The following UNC45B variants were observed in gnomAD, a reference collection of about 807,000 sequenced individuals.
UNC45B encodes protein unc-45 homolog B.
Under a neutral mutation model 98.7 loss-of-function variants are expected in UNC45B, and 78 were observed. The observed-to-expected ratio is 0.79, with a 90% confidence interval of 0.66 to 0.95. The LOEUF (loss-of-function observed/expected upper bound fraction) is 0.95. Ranked by LOEUF, UNC45B falls within the 40% of genes least tolerant of loss-of-function variation. UNC45B has a pLI of 0.00. For synonymous variants in UNC45B, 462 were observed against 480.4 expected, an observed-to-expected ratio of 0.96 and a Z score of 0.50; for missense variants, 1,225 against 1,184.9, an observed-to-expected ratio of 1.03 and a Z score of -0.50.
chr17:35,149,126 G>C, intron 3 of UNC45B, 117 bp downstream of exon 3: 1 of 1,206,954 alleles, frequency 8.3e-7, no homozygotes, highest in Non-Finnish European at 1.2e-6. Context: ...CTTCAGAAGG[G>C]AGAGAACAAG....
chr17:35,176,945 C>A, intron 15 of UNC45B, 72 bp from the exon 16 acceptor site: 1 of 1,225,818 alleles, frequency 8.2e-7, no homozygotes, highest in Non-Finnish European at 1.2e-6. Flanking sequence ...ACAGACAGCA[C>A]CTGGAGCAGG....
chr17:35,175,083 GAAAGAGAA>G (rs1260847649), intron 14 of UNC45B, among the ~76,000 whole-genome samples: 2 of 81,122 alleles, frequency 2.5e-5, no homozygotes, highest in Non-Finnish European at 5.2e-5. Context: ...AAGAAAGAAA[GAAAGAGAA>G]AGAAAGAAAA....
At position 35,176,999 on chromosome 17, in the gene UNC45B, C is replaced by T; in HGVS notation, c.2026-18C>T. ...CTGGATGTCTGTGACTAAGTAGTGA[C>T]CTTGCCCTTTCTTGCAGGCCCTGAT... On this transcript the variant is annotated intron_variant, in intron 15 of 19. Transcript: ENST00000394570. 3 of 1,604,372 alleles carry T rather than the reference C, an allele frequency of 1.9e-6. No individual in the cohort carries two copies. The Admixed American group carries it at 5.0e-5, about 27-fold the overall frequency.
intron 2 of UNC45B, 103 bp downstream of exon 2, chr17:35,148,534 ACT>A: frequency 7.4e-7 from 1 of 1,348,134 alleles, no homozygotes; most frequent in Admixed American, 2.5e-5. Context: ...ATCCCAGCCG[ACT>A]CTCCTGGATG....
At chr17:35,178,440 C>T (rs12451789) in intron 17 of UNC45B, among the ~76,000 whole-genome samples, 13,736 of 152,062 alleles carry the variant, frequency 0.09, 858 homozygotes, top group East Asian at 0.26. Context: ...GGATATTAGC[C>T]CTTTTTCAGA....
chr17:35,169,889 T>C lies in UNC45B; in HGVS notation c.1505T>C (p.Phe502Ser). Residue 502 changes from phenylalanine (F) to serine (S), a missense_variant, in exon 11 of 20, where the codon TTT (phenylalanine) becomes TCT (serine). Physicochemically the swap from Phe to Ser is radical, Grantham distance 155 (BLOSUM62 -2). Transcript: ENST00000394570. ...AGGTDYGLRQFAEGSTEKLAK... is the reference protein window; with the variant it reads ...AGGTDYGLRQSAEGSTEKLAK... ...GGCACAGACTACGGTCTCAGGCAGTTTGCGGAAGGGTCGACAGAAAAACTG... is the reference window on the plus strand; with the variant it reads ...GGCACAGACTACGGTCTCAGGCAGTCTGCGGAAGGGTCGACAGAAAAACTG... 6.2e-7 allele frequency: 1 copy of C among 1,614,126 alleles called. No homozygotes were observed. Among genetic ancestry groups the C allele is most frequent in the Non-Finnish European group, 8.5e-7 (1 of 1,180,012 alleles).
intron 8 of UNC45B, 43 bp downstream of exon 8, chr17:35,159,588 G>A: frequency 6.3e-7 from 1 of 1,594,526 alleles, no homozygotes; most frequent in East Asian, 2.2e-5. Flanking sequence ...AGCCTTTTAA[G>A]TGGGCACCAG....
intron 11 of UNC45B, 45 bp downstream of exon 11, chr17:35,169,976 T>G: frequency 6.2e-7 from 1 of 1,612,478 alleles, no homozygotes; most frequent in Non-Finnish European, 8.5e-7. Context: ...CTCATGCGCC[T>G]TCCGGGCAAG....
In UNC45B at chr17:35,174,362, C is replaced by T. The variant is rs2092211754; in HGVS notation, c.1951C>T (p.Leu651=). 1 of 1,614,150 alleles carries T rather than the reference C, an allele frequency of 6.2e-7. No homozygotes were observed. ...AILTDQTKEL[L]ARVFLALCDN... Reference sequence around the variant, plus strand: ...CCTCACTGACCAGACCAAGGAGCTGCTGGCCAGGTGGGGCTGCAGTGGGCC... The same window carrying T: ...CCTCACTGACCAGACCAAGGAGCTGTTGGCCAGGTGGGGCTGCAGTGGGCC... The change falls in exon 14 of 20, where the codon CTG becomes TTG. Residue 651 remains leucine (L), a synonymous_variant. Coordinates refer to ENST00000394570, the MANE Select transcript of UNC45B (RefSeq NM_001267052.2).
At chr17:35,155,272 C>G in intron 6 of UNC45B, 24 bp from the exon 7 acceptor site, 2 of 1,610,988 alleles carry the variant, frequency 1.2e-6, no homozygotes, top group Non-Finnish European at 1.7e-6. Flanking sequence ...AGGCAGCTGA[C>G]CATGGTTCTT....
intron 9 of UNC45B, 36 bp downstream of exon 9, chr17:35,164,202 G>A: frequency 1.3e-6 from 2 of 1,573,994 alleles, no homozygotes; most frequent in Non-Finnish European, 1.7e-6. Context: ...GTCAGGCTCT[G>A]TCTTGGTTAT....
At position 35,186,777 on chromosome 17, in the gene UNC45B, T is replaced by C. The variant is rs774196310; in HGVS notation, c.*218T>C. ...CTCTCTCTTGCTTCCTGTCTCCTTATATTTGTCATGTTTCAGAAATTCCCA... is the reference window on the plus strand; with the variant it reads ...CTCTCTCTTGCTTCCTGTCTCCTTACATTTGTCATGTTTCAGAAATTCCCA... On this transcript the variant is annotated 3_prime_UTR_variant, in exon 20 of 20. Coordinates refer to ENST00000394570, the MANE Select transcript of UNC45B (RefSeq NM_001267052.2). The C allele has an allele frequency of 6.5e-6, 3 of 461,268 alleles. No individual in the cohort carries two copies. Among genetic ancestry groups the C allele is most frequent in the Non-Finnish European group, 1.1e-5 (3 of 265,582 alleles). 28.6% of individuals were successfully genotyped at this position (461,268 alleles called of 1,614,324 possible).
intron 4 of UNC45B, among the ~76,000 whole-genome samples, chr17:35,151,424 A>G (rs1478487538): frequency 6.6e-6 from 1 of 152,110 alleles, no homozygotes; most frequent in Non-Finnish European, 1.5e-5. Context: ...TCCTGGCCTC[A>G]TGTGATCCAC....
Position 35,160,882 on chromosome 17 carries a change from G to A in UNC45B, c.979+1337G>A, listed in dbSNP as rs192352170. Reference sequence around the variant, plus strand: ...ATGATCTGCTATGGTAAATTCTTCCGTAGGTTTTATGACACACAGACTATA... The same window carrying A: ...ATGATCTGCTATGGTAAATTCTTCCATAGGTTTTATGACACACAGACTATA... On this transcript the variant is annotated intron_variant, in intron 8 of 19. Transcript: ENST00000394570. Among the ~76,000 whole-genome samples the A allele has an allele frequency of 3.6e-4, 55 of 152,324 alleles. 2 individuals carry two copies. The highest frequency in any genetic ancestry group is 2.9e-3 in the Admixed American group (45 of 15,300).
chr17:35,178,560 A>G (rs1052447063), intron 17 of UNC45B, among the ~76,000 whole-genome samples: 151 of 152,180 alleles, frequency 9.9e-4, no homozygotes, highest in African/African-American at 3.5e-3. Context: ...CCATTTGTCA[A>G]TTTTGGCTTT....
In UNC45B at chr17:35,155,370, T is replaced by C. The variant is rs753739040; in HGVS notation, c.714T>C (p.Ser238=). 6.2e-6 allele frequency: 10 copies of C among 1,614,158 alleles called. No individual in the cohort carries two copies. The highest frequency in any genetic ancestry group is 8.5e-6 in the Non-Finnish European group (10 of 1,180,030). Residue 238 remains serine (S), a synonymous_variant, in exon 7 of 20, where the codon TCT becomes TCC. Coordinates refer to ENST00000394570, the MANE Select transcript of UNC45B (RefSeq NM_001267052.2). ...TGGCCGTGGAGAATGAGGAGATGTCTCTGGCTGTCTGCAACCTGCTCCAAG... is the reference window on the plus strand; with the variant it reads ...TGGCCGTGGAGAATGAGGAGATGTCCCTGGCTGTCTGCAACCTGCTCCAAG... ...SLMAVENEEM[S]LAVCNLLQAI...
Position 35,171,468 on chromosome 17 carries a change from G to A in UNC45B, c.1830+6G>A, listed in dbSNP as rs755509140. ...TGCCCGAGGAACACCCCAAGGTAGGGTCAGGCGCGACCCGGGAGGGGTCTG... is the reference window on the plus strand; with the variant it reads ...TGCCCGAGGAACACCCCAAGGTAGGATCAGGCGCGACCCGGGAGGGGTCTG... On this transcript the variant is annotated splice_donor_region_variant and intron_variant, in intron 13 of 19. Coordinates refer to ENST00000394570, the MANE Select transcript of UNC45B (RefSeq NM_001267052.2). The A allele has an allele frequency of 1.5e-5, 24 of 1,613,684 alleles. No individual in the cohort carries two copies. The South Asian group carries it at 2.6e-4, about 18-fold the overall frequency.
At chr17:35,164,510 T>G in intron 9 of UNC45B, 1 of 173,170 alleles carries the variant, frequency 5.8e-6, no homozygotes, top group Non-Finnish European at 1.2e-5. Context: ...GCGTCTTCAC[T>G]GCATGCCGCT....
chr17:35,183,770 G>A (rs973483112), intron 19 of UNC45B, among the ~76,000 whole-genome samples, 188 bp downstream of exon 19: 1 of 152,152 alleles, frequency 6.6e-6, no homozygotes, highest in Admixed American at 6.5e-5. Flanking sequence ...TTCATTATTT[G>A]GTCTTCCCAA....
Sources: allele counts gnomAD v4.1 joint callset (sites outside exome capture counted in the v4.1 genomes callset), GRCh38; gene constraint gnomAD v4.1.1; transcripts MANE v1.5; gene names NCBI Gene and HGNC (gene_info 2026-07-23, HGNC 2026-07-21).